Variants in MPP7 observed in about 807,000 individuals in gnomAD.
The protein encoded by MPP7 is MAGUK p55 subfamily member 7.
A neutral mutation model predicts 76.5 loss-of-function variants in MPP7; 60 were observed. The observed-to-expected ratio is 0.78, with a 90% CI of 0.64 to 0.97. The LOEUF is 0.97. MPP7 is among the 50% of genes least tolerant of loss of function. The probability of loss-of-function intolerance (pLI) is 0.00; values close to 1 mark genes in which losing one functional copy is unlikely to be tolerated. For missense variants in MPP7, 641 were observed against 694.0 expected (o/e 0.92, Z 0.86); for synonymous variants, 237 against 244.5 (o/e 0.97, Z 0.29).
chr10:28,330,644 CT>C (rs1203597573), intron 1 of MPP7, among the ~76,000 whole-genome samples: 2 of 151,776 alleles, frequency 1.3e-5, no homozygotes, highest in African/African-American at 2.4e-5. Flanking sequence ...TATGGGGTTG[CT>C]TTTTTTGTTT....
At chr10:28,071,244 G>A (rs537422671) in intron 12 of MPP7, among the ~76,000 whole-genome samples, 1 of 152,292 alleles carries the variant, frequency 6.6e-6, no homozygotes, top group South Asian at 2.1e-4. Context: ...AAAGAATAAG[G>A]TTTTACACCA....
chr10:28,142,839 G>T (rs548178402), intron 5 of MPP7, among the ~76,000 whole-genome samples: 1 of 152,278 alleles, frequency 6.6e-6, no homozygotes, highest in African/African-American at 2.4e-5. Flanking sequence ...GCAGGTGCTC[G>T]AGAAGGTCTG....
intron 1 of MPP7, among the ~76,000 whole-genome samples, chr10:28,274,656 C>T (rs1429218675): frequency 6.6e-6 from 1 of 152,174 alleles, no homozygotes; most frequent in Non-Finnish European, 1.5e-5. Context: ...ACAGTGCCTA[C>T]ACTACACAGA....
intron 12 of MPP7, among the ~76,000 whole-genome samples, chr10:28,071,894 A>T (rs1337624303): frequency 6.6e-6 from 1 of 152,190 alleles, no homozygotes; most frequent in Non-Finnish European, 1.5e-5. Flanking sequence ...CTTGAATATG[A>T]TAAGGAAAGA....
At chr10:28,161,825 C>T (rs556373624) in intron 3 of MPP7, among the ~76,000 whole-genome samples, 51 of 152,232 alleles carry the variant, frequency 3.4e-4, no homozygotes, top group African/African-American at 1.1e-3. Context: ...TATGGCTATA[C>T]GTTAAAACTT....
intron 2 of MPP7, among the ~76,000 whole-genome samples, chr10:28,313,929 C>A (rs1449847411): frequency 2.2e-5 from 3 of 134,432 alleles, no homozygotes; most frequent in Non-Finnish European, 4.6e-5. Context: ...TGGTCTTGAA[C>A]TCCTGGGCTC....
chr10:28,222,171 G>T (rs1030259567), intron 2 of MPP7, among the ~76,000 whole-genome samples: 3 of 151,572 alleles, frequency 2.0e-5, no homozygotes, highest in Non-Finnish European at 2.9e-5. Context: ...CTCTTTTTAG[G>T]ACTGAACCCT....
intron 1 of MPP7, among the ~76,000 whole-genome samples, chr10:28,279,234 G>A (rs928359989): frequency 1.3e-5 from 2 of 152,022 alleles, no homozygotes; most frequent in South Asian, 4.1e-4. Context: ...TCAGAAGGAC[G>A]AAGCTACTAA....
intron 3 of MPP7, among the ~76,000 whole-genome samples, chr10:28,165,317 T>C (rs563086957): frequency 2.9e-4 from 44 of 152,228 alleles, no homozygotes; most frequent in African/African-American, 9.4e-4. Context: ...TTGAGGCCAG[T>C]TTGATATCAG....
chr10:28,077,355 T>C (rs978812254), intron 12 of MPP7, among the ~76,000 whole-genome samples: 3 of 152,314 alleles, frequency 2.0e-5, no homozygotes, highest in Admixed American at 6.5e-5. Context: ...AAGGTAGAAG[T>C]ATCCTCCCAA....
intron 1 of MPP7, among the ~76,000 whole-genome samples, chr10:28,274,621 T>C (rs778570671): frequency 2.0e-5 from 3 of 152,182 alleles, no homozygotes; most frequent in Non-Finnish European, 2.9e-5. Context: ...TATAGGGCAA[T>C]CATATCCATC....
chr10:28,107,427 A>C (rs1481157314), intron 11 of MPP7, among the ~76,000 whole-genome samples: 1 of 152,050 alleles, frequency 6.6e-6, no homozygotes, highest in Admixed American at 6.6e-5. Context: ...GTTAGGGAGC[A>C]GGTACCATTC....
At chr10:28,219,337 G>A (rs1360507278) in intron 2 of MPP7, among the ~76,000 whole-genome samples, 3 of 152,194 alleles carry the variant, frequency 2.0e-5, no homozygotes, top group African/African-American at 7.2e-5. Flanking sequence ...CAAGACAGTA[G>A]TGGTTCCTAA....
intron 2 of MPP7, among the ~76,000 whole-genome samples, chr10:28,213,203 G>A (rs1314194384): frequency 6.6e-6 from 1 of 152,080 alleles, no homozygotes; most frequent in Non-Finnish European, 1.5e-5. Context: ...GCCTTCTGAA[G>A]ACTTGGTTCA....
At chr10:28,112,820 C>T (rs554932797) in intron 11 of MPP7, among the ~76,000 whole-genome samples, 1 of 149,298 alleles carries the variant, frequency 6.7e-6, no homozygotes, top group South Asian at 2.2e-4. Context: ...GAGTCCAGTA[C>T]TATAATCCCC....
chr10:28,300,049 G>A (rs1287494252), intron 1 of MPP7, among the ~76,000 whole-genome samples: 1 of 152,166 alleles, frequency 6.6e-6, no homozygotes, highest in Non-Finnish European at 1.5e-5. Context: ...TTACAGGCGT[G>A]AGCCACCATG....
At chr10:28,314,408 A>T (rs1243485911) in intron 2 of MPP7, among the ~76,000 whole-genome samples, 6 of 152,236 alleles carry the variant, frequency 3.9e-5, no homozygotes, top group African/African-American at 1.2e-4. Context: ...AGCAGGAAAC[A>T]AAAGAAAACA....
chr10:28,281,789 C>T (rs548557538), intron 1 of MPP7, among the ~76,000 whole-genome samples: 1 of 152,136 alleles, frequency 6.6e-6, no homozygotes, highest in East Asian at 1.9e-4. Flanking sequence ...AATAACTTGT[C>T]TAAATTCATA....
chr10:28,248,819 G>A (rs1389793073), intron 1 of MPP7, among the ~76,000 whole-genome samples: 1 of 152,168 alleles, frequency 6.6e-6, no homozygotes, highest in African/African-American at 2.4e-5. Context: ...GAAGCAACAG[G>A]CTGCACCATG....
Sources: allele counts gnomAD v4.1 joint callset (sites outside exome capture counted in the v4.1 genomes callset), GRCh38; gene constraint gnomAD v4.1.1; transcripts MANE v1.5; gene names NCBI Gene and HGNC (gene_info 2026-07-23, HGNC 2026-07-21).